The following NEK7 variants were observed in gnomAD, a reference collection of about 807,000 sequenced individuals.
The protein encoded by NEK7 is serine/threonine-protein kinase Nek7.
A neutral mutation model predicts 44.6 loss-of-function variants in NEK7; 18 were observed. The ratio of observed to expected loss-of-function variants is 0.40; its 90% CI spans 0.28 to 0.60. The LOEUF (loss-of-function observed/expected upper bound fraction) is 0.60. NEK7 is among the 20% of genes least tolerant of loss of function. The probability of loss-of-function intolerance (pLI) is 0.38; values close to 1 mark genes in which losing one functional copy is unlikely to be tolerated. For missense variants in NEK7, 256 were observed against 366.5 expected (o/e 0.70, Z 2.46); for synonymous variants, 130 against 121.1 (o/e 1.07, Z -0.48).
intron 5 of NEK7, among the ~76,000 whole-genome samples, chr1:198,276,144 C>T (rs911784406): frequency 6.6e-6 from 1 of 151,416 alleles, no homozygotes; most frequent in African/African-American, 2.4e-5. Context: ...TATCTTGGTC[C>T]GGTAACGTCT....
chr1:198,300,202 T>G (rs1654842840), intron 9 of NEK7, among the ~76,000 whole-genome samples: 1 of 152,232 alleles, frequency 6.6e-6, no homozygotes, highest in African/African-American at 2.4e-5. Context: ...ATATCTTTCC[T>G]TAGATGTCTC....
At chr1:198,255,381 T>C (rs111360285) in intron 3 of NEK7, among the ~76,000 whole-genome samples, 1 of 152,266 alleles carries the variant, frequency 6.6e-6, no homozygotes, top group Non-Finnish European at 1.5e-5. Context: ...TGGAGGTCTC[T>C]GGGGACTCTT....
chr1:198,158,554 CGAA>C (rs1408108652), intron 1 of NEK7, among the ~76,000 whole-genome samples: 2 of 152,128 alleles, frequency 1.3e-5, no homozygotes, highest in African/African-American at 4.8e-5. Flanking sequence ...GTGGTGTGGT[CGAA>C]GAATGGCATA....
intron 1 of NEK7, among the ~76,000 whole-genome samples, chr1:198,176,034 T>C (rs1268577532): frequency 6.6e-6 from 1 of 152,182 alleles, no homozygotes; most frequent in East Asian, 1.9e-4. Flanking sequence ...AGGGCGGATA[T>C]GTTGTCTTTA....
chr1:198,190,245 T>C (rs2102765027), intron 1 of NEK7, among the ~76,000 whole-genome samples: 1 of 152,212 alleles, frequency 6.6e-6, no homozygotes, highest in African/African-American at 2.4e-5. Context: ...TCTGGGAACA[T>C]GTTGTCAGCT....
intron 1 of NEK7, among the ~76,000 whole-genome samples, chr1:198,228,466 C>A: frequency 6.6e-6 from 1 of 151,760 alleles, no homozygotes. Flanking sequence ...GGCAGTATGG[C>A]CATTTTCACG....
intron 1 of NEK7, among the ~76,000 whole-genome samples, chr1:198,181,448 C>T (rs999911199): frequency 5.9e-5 from 9 of 151,976 alleles, no homozygotes; most frequent in Non-Finnish European, 8.8e-5. Flanking sequence ...TTTCACAAGA[C>T]GTTAGAATTG....
chr1:198,223,790 T>C (rs149909773), intron 1 of NEK7, among the ~76,000 whole-genome samples: 344 of 152,284 alleles, frequency 2.3e-3, no homozygotes, highest in African/African-American at 7.9e-3. Flanking sequence ...TAAAGACTTT[T>C]TGGATGAGAT....
At chr1:198,179,712 T>TG (rs1158406237) in intron 1 of NEK7, among the ~76,000 whole-genome samples, 10 of 152,136 alleles carry the variant, frequency 6.6e-5, no homozygotes, top group Non-Finnish European at 1.5e-4. Flanking sequence ...CCTTCAATTG[T>TG]GGCTTTACAG....
rs145575250 is a variant in NEK7 at position 198,318,229 on chromosome 1, G to A, written c.799-1183G>A. On this transcript the variant is annotated intron_variant, in intron 9 of 9. Coordinates refer to ENST00000367385, the MANE Select transcript of NEK7 (RefSeq NM_133494.3). The stretch of plus-strand genomic sequence containing the variant: ...ATAGATGAAGAAATGAACCTCCAGA[G>A]ACAGTGACTTACCCAAGGGCACAGA... 2.9e-4 allele frequency among the ~76,000 whole-genome samples: 44 copies of A among 152,220 alleles called. No individual in the cohort carries two copies. The East Asian group carries it at 8.3e-3, about 29-fold the overall frequency.
intron 9 of NEK7, among the ~76,000 whole-genome samples, chr1:198,314,567 T>C (rs1347105155): frequency 6.6e-6 from 1 of 152,212 alleles, no homozygotes. Context: ...TGTGGTTTTA[T>C]CTACTTTTGG....
At chr1:198,249,254 C>T (rs182175174) in intron 2 of NEK7, among the ~76,000 whole-genome samples, 3,763 of 151,712 alleles carry the variant, frequency 0.025, 73 homozygotes, top group African/African-American at 0.047. Flanking sequence ...TATTCCATGG[C>T]GTATATGTGC....
At chr1:198,250,790 T>C (rs772547742) in intron 2 of NEK7, among the ~76,000 whole-genome samples, 2 of 146,634 alleles carry the variant, frequency 1.4e-5, no homozygotes, top group Non-Finnish European at 3.0e-5. Context: ...GCTGAGACAA[T>C]GGGGTTTTCT....
In NEK7 at chr1:198,164,830, A is replaced by G. The variant is rs78951911; in HGVS notation, c.-29+7554A>G. Among the ~76,000 whole-genome samples the G allele has an allele frequency of 0.012, 1,882 of 152,254 alleles. 97 individuals carry two copies. In the East Asian group the frequency reaches 0.16, roughly 13 times the overall value. ...CAATTGACTCTTTCTTTCATGAAAA[A>G]TTTCTCTGTAGCATATGATGCTGTT... On this transcript the variant is annotated intron_variant, in intron 1 of 9. Coordinates refer to ENST00000367385, the MANE Select transcript of NEK7 (RefSeq NM_133494.3).
At chr1:198,250,061 G>A (rs1020693076) in intron 2 of NEK7, among the ~76,000 whole-genome samples, 1 of 146,872 alleles carries the variant, frequency 6.8e-6, no homozygotes, top group African/African-American at 2.6e-5. Context: ...TTTGTATAAG[G>A]TGTAAGGAAG....
Position 198,321,698 on chromosome 1 carries a change from A to T in NEK7, c.*2176A>T, listed in dbSNP as rs1202144727. The T allele has an allele frequency of 2.6e-5, 4 of 152,130 alleles. No individual in the cohort carries two copies. The highest frequency in any genetic ancestry group is 9.7e-5 in the African/African-American group (4 of 41,450). 9.4% of individuals were successfully genotyped at this position (152,130 alleles called of 1,614,324 possible). On this transcript the variant is annotated 3_prime_UTR_variant, in exon 10 of 10. Coordinates refer to ENST00000367385, the MANE Select transcript of NEK7 (RefSeq NM_133494.3). ...TGTATCTTTTTAAATCTAAATGTTC[A>T]TATTTTTCCTGAAGAAACCACTGTG... is the stretch of plus-strand genomic sequence containing the variant.
At chr1:198,276,711 G>A (rs919302452) in intron 5 of NEK7, among the ~76,000 whole-genome samples, 1 of 151,632 alleles carries the variant, frequency 6.6e-6, no homozygotes, top group Non-Finnish European at 1.5e-5. Context: ...TGTAATATGT[G>A]TTATAAGAAA....
At chr1:198,308,429 A>G (rs1655079012) in intron 9 of NEK7, among the ~76,000 whole-genome samples, 1 of 152,184 alleles carries the variant, frequency 6.6e-6, no homozygotes. Flanking sequence ...TCAAAAACTC[A>G]AAGTATCCTT....
At chr1:198,318,766 T>C (rs1655448731) in intron 9 of NEK7, among the ~76,000 whole-genome samples, 1 of 152,130 alleles carries the variant, frequency 6.6e-6, no homozygotes, top group African/African-American at 2.4e-5. Context: ...AATCTGCTTT[T>C]ATTCTATGAT....
Sources: allele counts gnomAD v4.1 joint callset (sites outside exome capture counted in the v4.1 genomes callset), GRCh38; gene constraint gnomAD v4.1.1; transcripts MANE v1.5; gene names NCBI Gene and HGNC (gene_info 2026-07-23, HGNC 2026-07-21).